CEP55: variants seen among roughly 807,000 people sequenced by gnomAD.
The protein encoded by CEP55 is centrosomal protein 55.
Under a neutral mutation model 63.2 loss-of-function variants are expected in CEP55, and 57 were observed. That is an observed-to-expected ratio of 0.90 (90% CI 0.73 to 1.13). The LOEUF is 1.13. Among genes scored for constraint, CEP55 ranks in the 50% most tolerant of loss-of-function variants. The pLI is 0.00. For synonymous variants in CEP55, 178 were observed against 191.6 expected, an observed-to-expected ratio of 0.93 and a Z score of 0.59; for missense variants, 456 against 518.9, an observed-to-expected ratio of 0.88 and a Z score of 1.18.
chr10:93,504,162 G>A (rs1350814833), intron 3 of CEP55, among the ~76,000 whole-genome samples: 2 of 151,960 alleles, frequency 1.3e-5, no homozygotes, highest in East Asian at 1.9e-4. Flanking sequence ...TTGGAGATTC[G>A]AATAATACTA....
chr10:93,527,652 G>A (rs2057937606), intron 8 of CEP55, among the ~76,000 whole-genome samples: 1 of 152,080 alleles, frequency 6.6e-6, no homozygotes, highest in African/African-American at 2.4e-5. Flanking sequence ...GATCACTTGA[G>A]CTTAGGAGTT....
At chr10:93,518,696 G>A (rs2057827632) in intron 6 of CEP55, among the ~76,000 whole-genome samples, 181 bp from the exon 7 acceptor site, 6 of 152,176 alleles carry the variant, frequency 3.9e-5, no homozygotes, top group Admixed American at 3.9e-4. Context: ...AAGGGCGGTG[G>A]TATACTGCTT....
chr10:93,503,933 A>G (rs1010200192), intron 3 of CEP55, among the ~76,000 whole-genome samples: 1 of 151,756 alleles, frequency 6.6e-6, no homozygotes, highest in Non-Finnish European at 1.5e-5. Context: ...CTTAGAGACA[A>G]TACTAGACTT....
chr10:93,525,621 A>G lies in CEP55; in HGVS notation c.1192-2329A>G, dbSNP rs1385064223. ...CATATGGAACCAAAAAAGAGCCCGC[A>G]TCGCCAAGTCAATCCTAAGCCAAAA... On this transcript the variant is annotated intron_variant, in intron 8 of 8. Transcript: ENST00000371485. 4.6e-5 allele frequency among the ~76,000 whole-genome samples: 7 copies of G among 151,852 alleles called. No individual in the cohort carries two copies. The South Asian group carries it at 1.5e-3, about 32-fold the overall frequency.
At chr10:93,517,675 T>C (rs1315455345) in intron 6 of CEP55, among the ~76,000 whole-genome samples, 2 of 152,356 alleles carry the variant, frequency 1.3e-5, no homozygotes, top group East Asian at 3.9e-4. Context: ...GGTGATGATA[T>C]GTGCTCAAGT....
intron 4 of CEP55, among the ~76,000 whole-genome samples, chr10:93,511,748 G>A (rs1201313865): frequency 4.6e-5 from 7 of 151,536 alleles, no homozygotes; most frequent in South Asian, 2.1e-4. Flanking sequence ...GACCACTGGC[G>A]CCCGCCACCA....
At chr10:93,517,464 A>AG (rs958680865) in intron 6 of CEP55, among the ~76,000 whole-genome samples, 4 of 152,228 alleles carry the variant, frequency 2.6e-5, no homozygotes, top group Non-Finnish European at 4.4e-5. Context: ...GGACCAGTGG[A>AG]GGCCTCTCTG....
chr10:93,526,899 C>G (rs1161510440), intron 8 of CEP55, among the ~76,000 whole-genome samples: 1 of 151,972 alleles, frequency 6.6e-6, no homozygotes, highest in Non-Finnish European at 1.5e-5. Context: ...CACTTGGACA[C>G]AGGAAGGGGG....
intron 8 of CEP55, among the ~76,000 whole-genome samples, chr10:93,521,603 C>T (rs900027774): frequency 7.2e-5 from 11 of 152,182 alleles, no homozygotes; most frequent in African/African-American, 2.7e-4. Context: ...AGTAGTGGTT[C>T]TCCCAGCACG....
chr10:93,500,171 A>G lies in CEP55; in HGVS notation c.120A>G (p.Ser40=). The part of the protein sequence containing the change: ...LKGEIAHLKT[S]VDEITSGKGK... ...GAGAAATTGCACACTTAAAGACATC[A>G]GTGGATGAAATCACAAGTGGGAAAG... is the stretch of plus-strand genomic sequence containing the variant. The change falls in exon 2 of 9, where the codon TCA becomes TCG. Residue 40 remains serine (S), a synonymous_variant. Coordinates refer to ENST00000371485, the MANE Select transcript of CEP55 (RefSeq NM_018131.5). 6.2e-7 allele frequency: 1 copy of G among 1,613,664 alleles called. No individual in the cohort carries two copies. The highest frequency in any genetic ancestry group is 8.5e-7 in the Non-Finnish European group (1 of 1,179,834).
At chr10:93,526,172 T>C (rs1253135122) in intron 8 of CEP55, among the ~76,000 whole-genome samples, 1 of 152,064 alleles carries the variant, frequency 6.6e-6, no homozygotes, top group African/African-American at 2.4e-5. Flanking sequence ...GGGAGAAAAT[T>C]TTTGCAATCT....
intron 8 of CEP55, among the ~76,000 whole-genome samples, chr10:93,527,035 A>G (rs139050932): frequency 0.026 from 3,953 of 152,200 alleles, 150 homozygotes; most frequent in African/African-American, 0.08. Context: ...ATACATATGT[A>G]ACAAACCTGC....
intron 4 of CEP55, among the ~76,000 whole-genome samples, chr10:93,510,313 T>G (rs2057732082): frequency 6.6e-6 from 1 of 152,228 alleles, no homozygotes. Flanking sequence ...TTAGGGAAGA[T>G]AAATAATAAT....
chr10:93,501,974 C>T (rs979816977), intron 2 of CEP55, among the ~76,000 whole-genome samples: 5 of 152,168 alleles, frequency 3.3e-5, no homozygotes, highest in Non-Finnish European at 2.9e-5. Flanking sequence ...ATAACTTCTA[C>T]CCATTTGTTC....
At chr10:93,502,584 A>T (rs2057645525) in intron 2 of CEP55, among the ~76,000 whole-genome samples, 1 of 152,246 alleles carries the variant, frequency 6.6e-6, no homozygotes, top group Non-Finnish European at 1.5e-5. Context: ...GAAGATGTTA[A>T]GCATTCCTTT....
chr10:93,506,668 A>G (rs1191635438), intron 3 of CEP55, among the ~76,000 whole-genome samples: 2 of 152,144 alleles, frequency 1.3e-5, no homozygotes, highest in Non-Finnish European at 2.9e-5. Flanking sequence ...CCCGGGTTCA[A>G]GTGATTCTCC....
rs2057838427 is a variant in CEP55, at chr10:93,519,711, T to C, written c.1095T>C (p.Asn365=). 6.2e-7 allele frequency: 1 copy of C among 1,613,996 alleles called. No homozygotes were observed. Among genetic ancestry groups the C allele is most frequent in the Non-Finnish European group, 8.5e-7 (1 of 1,180,026 alleles). The change falls in exon 8 of 9, where the codon AAT becomes AAC. Residue 365 remains asparagine, a synonymous_variant. Transcript: ENST00000371485. The stretch of plus-strand genomic sequence containing the variant: ...AGGCATGTACTTTAGACTTTGAAAA[T>C]GAAAAACTCGACCGTCAACATGTGC... ...QMQACTLDFE[N]EKLDRQHVQH... is the part of the protein sequence containing the mutation.
intron 4 of CEP55, among the ~76,000 whole-genome samples, chr10:93,514,229 C>G (rs569665256): frequency 6.6e-6 from 1 of 152,246 alleles, no homozygotes; most frequent in East Asian, 1.9e-4. Context: ...CACTGCCCAG[C>G]CCACAGACCC....
chr10:93,499,320 A>G (rs561280488), intron 1 of CEP55, among the ~76,000 whole-genome samples: 1 of 152,280 alleles, frequency 6.6e-6, no homozygotes, highest in South Asian at 2.1e-4. Flanking sequence ...TCGTGCCTAT[A>G]TACTCAGAAT....
Sources: gnomAD v4.1 joint callset for allele counts (sites outside exome capture counted in the v4.1 genomes callset) on GRCh38, gnomAD v4.1.1 for gene constraint, MANE v1.5 for transcripts, NCBI Gene and HGNC (gene_info 2026-07-23, HGNC 2026-07-21) for gene names.